Variants in TBC1D5 observed in about 807,000 individuals in gnomAD.
The protein encoded by TBC1D5 is TBC1 domain family member 5.
A neutral mutation model predicts 100.3 loss-of-function variants in TBC1D5; 75 were observed. That is an observed-to-expected ratio of 0.75 (90% CI 0.62 to 0.91). TBC1D5 has a LOEUF of 0.91. Ranked by LOEUF, TBC1D5 falls within the 40% of genes least tolerant of loss-of-function variation. The pLI, the probability that TBC1D5 is intolerant of heterozygous loss-of-function variation, is 0.00. For synonymous variants in TBC1D5, 323 were observed against 325.6 expected, an observed-to-expected ratio of 0.99 and a Z score of 0.09; for missense variants, 910 against 942.4, an observed-to-expected ratio of 0.97 and a Z score of 0.45.
At chr3:17,531,363 T>C (rs2096222055) in intron 2 of TBC1D5, among the ~76,000 whole-genome samples, 1 of 152,210 alleles carries the variant, frequency 6.6e-6, no homozygotes, top group Non-Finnish European at 1.5e-5. Context: ...GAACATTCCA[T>C]GCTCATGGGT....
chr3:17,291,427 A>C (rs1366109396), intron 15 of TBC1D5, among the ~76,000 whole-genome samples: 1 of 152,256 alleles, frequency 6.6e-6, no homozygotes, highest in Non-Finnish European at 1.5e-5. Flanking sequence ...AATAAGAAAT[A>C]TTAATACATA....
chr3:17,352,974 T>C (rs1271305269), intron 13 of TBC1D5, among the ~76,000 whole-genome samples: 1 of 151,944 alleles, frequency 6.6e-6, no homozygotes, highest in Non-Finnish European at 1.5e-5. Context: ...CTACAAACAG[T>C]AAAAGAAAAA....
chr3:17,160,188 TA>T (rs1216995509), exon 22 of TBC1D5: 1 of 152,204 alleles, frequency 6.6e-6, no homozygotes, highest in African/African-American at 2.4e-5. Flanking sequence ...TGAAAGATTC[TA>T]AAAGGTGAAA....
At chr3:17,601,656 G>A (rs1454663092) in intron 2 of TBC1D5, among the ~76,000 whole-genome samples, 16 of 152,128 alleles carry the variant, frequency 1.1e-4, no homozygotes, top group Admixed American at 1.0e-3. Context: ...AGATATCCTA[G>A]ACTCCACTTT....
intron 2 of TBC1D5, among the ~76,000 whole-genome samples, chr3:17,515,493 T>C (rs1674973007): frequency 6.6e-6 from 1 of 152,168 alleles, no homozygotes; most frequent in Admixed American, 6.5e-5. Context: ...ACAACAATTC[T>C]ATGAAGTAGA....
intron 17 of TBC1D5, among the ~76,000 whole-genome samples, chr3:17,220,773 T>C (rs1328824845): frequency 6.6e-6 from 1 of 152,126 alleles, no homozygotes; most frequent in East Asian, 1.9e-4. Flanking sequence ...AAATGGTAGC[T>C]AAACCAAAAG....
At chr3:17,714,632 A>G (rs1284645598) in intron 1 of TBC1D5, among the ~76,000 whole-genome samples, 2 of 152,228 alleles carry the variant, frequency 1.3e-5, no homozygotes, top group African/African-American at 4.8e-5. Flanking sequence ...TTTACTGACC[A>G]CACATAACAA....
intron 3 of TBC1D5, among the ~76,000 whole-genome samples, chr3:17,430,036 A>T (rs9854201): frequency 6.6e-6 from 1 of 151,472 alleles, no homozygotes; most frequent in Non-Finnish European, 1.5e-5. Flanking sequence ...CTAGCTAGGT[A>T]TAAGTTGCTA....
intron 16 of TBC1D5, among the ~76,000 whole-genome samples, chr3:17,252,381 C>G (rs534578837): frequency 6.6e-6 from 1 of 152,084 alleles, no homozygotes; most frequent in Non-Finnish European, 1.5e-5. Flanking sequence ...TCCTCTGCCC[C>G]GACAGAGCCT....
chr3:17,464,685 CT>C (rs576607534), intron 3 of TBC1D5, among the ~76,000 whole-genome samples: 1 of 152,262 alleles, frequency 6.6e-6, no homozygotes, highest in Middle Eastern at 3.4e-3. Context: ...GTTTTCACCC[CT>C]ACCATGTGAT....
chr3:17,607,915 T>C (rs1033914598), intron 2 of TBC1D5, among the ~76,000 whole-genome samples: 2 of 151,992 alleles, frequency 1.3e-5, no homozygotes, highest in South Asian at 2.1e-4. Flanking sequence ...GATTTTTAAA[T>C]TGAAAAAAAA....
chr3:17,396,551 T>C (rs1464568918), intron 8 of TBC1D5, among the ~76,000 whole-genome samples: 1 of 151,846 alleles, frequency 6.6e-6, no homozygotes, highest in African/African-American at 2.4e-5. Context: ...TATTTCTTTT[T>C]CAAAATAGGA....
chr3:17,476,611 C>T (rs902070765), intron 3 of TBC1D5, among the ~76,000 whole-genome samples: 4 of 151,842 alleles, frequency 2.6e-5, no homozygotes, highest in Non-Finnish European at 4.4e-5. Flanking sequence ...AATGACCTGC[C>T]AAGTTACTAA....
intron 2 of TBC1D5, among the ~76,000 whole-genome samples, chr3:17,543,475 T>TA (rs2096379865): frequency 6.6e-6 from 1 of 151,536 alleles, no homozygotes; most frequent in Non-Finnish European, 1.5e-5. Flanking sequence ...TCTACAAAAA[T>TA]AAAAAAATAA....
chr3:17,593,951 G>T (rs2060400976), intron 2 of TBC1D5, among the ~76,000 whole-genome samples: 1 of 152,160 alleles, frequency 6.6e-6, no homozygotes, highest in South Asian at 2.1e-4. Context: ...GAATCAAAGG[G>T]TGGAAGTGGA....
chr3:17,179,032 C>T (rs1409956783), intron 19 of TBC1D5, among the ~76,000 whole-genome samples: 4 of 151,902 alleles, frequency 2.6e-5, no homozygotes, highest in Non-Finnish European at 5.9e-5. Context: ...ACTGCACCCT[C>T]GAACTCCTGG....
At chr3:17,531,456 A>C (rs1308813232) in intron 2 of TBC1D5, among the ~76,000 whole-genome samples, 1 of 152,220 alleles carries the variant, frequency 6.6e-6, no homozygotes, top group African/African-American at 2.4e-5. Flanking sequence ...GCTACCAACG[A>C]CTTTCTTCAC....
At chr3:17,569,783 A>AT (rs1011753861) in intron 2 of TBC1D5, among the ~76,000 whole-genome samples, 4 of 151,426 alleles carry the variant, frequency 2.6e-5, no homozygotes, top group Admixed American at 2.6e-4. Context: ...ATATTTGTAA[A>AT]TATATAAATA....
At chr3:17,739,287 T>C (rs2077207044) in intron 1 of TBC1D5, 1 of 152,184 alleles carries the variant, frequency 6.6e-6, no homozygotes. Flanking sequence ...AAAAAGGGGG[T>C]TAAGAGAAGG....
Sources: gnomAD v4.1 joint callset for allele counts (sites outside exome capture counted in the v4.1 genomes callset) on GRCh38, gnomAD v4.1.1 for gene constraint, MANE v1.5 for transcripts, NCBI Gene and HGNC (gene_info 2026-07-23, HGNC 2026-07-21) for gene names.